Variants in BOP1 observed in about 807,000 individuals in gnomAD.
BOP1 encodes the protein BOP1 ribosomal biogenesis factor.
A neutral mutation model predicts 82.9 loss-of-function variants in BOP1; 54 were observed. The observed-to-expected ratio is 0.65, with a 90% CI of 0.52 to 0.82. The LOEUF (loss-of-function observed/expected upper bound fraction) is 0.82. Ranked by LOEUF, BOP1 falls within the 40% of genes least tolerant of loss-of-function variation. The pLI is 0.00. For synonymous variants in BOP1, 566 were observed against 451.1 expected (o/e 1.25, Z -3.23); for missense variants, 1,170 against 1,072.0 (o/e 1.09, Z -1.28).
intron 2 of BOP1, 31 bp from the exon 3 acceptor site, chr8:144,276,335 A>C (rs1845567857): frequency 6.2e-7 from 1 of 1,607,132 alleles, no homozygotes. Flanking sequence ...TGGTCACTTC[A>C]GGGGATACAG....
At chr8:144,268,060 G>A (rs1311803453) in intron 3 of BOP1, 24 of 1,549,356 alleles carry the variant, frequency 1.5e-5, no homozygotes, top group Middle Eastern at 1.9e-4. Context: ...GCAGACTGGC[G>A]CTGGGCTCTG....
Position 144,264,115 on chromosome 8 carries a change from C to A in BOP1, c.1006G>T (p.Gly336Cys). ...GGCAAAAAGCTCAGCTTCCTCTCGC[C>A]TGGCTCCTGCTGTTCCCACGCCAAG... is the stretch of plus-strand genomic sequence containing the variant. ...ERLAWEQQEP[G>C]ERKLSFLPRK... is the part of the protein sequence containing the mutation. The change falls in exon 8 of 16, where the codon GGC (glycine) becomes TGC (cysteine). Residue 336 changes from glycine (G) to cysteine (C), a missense_variant. Coordinates refer to ENST00000569669, the MANE Select transcript of BOP1 (RefSeq NM_015201.5). The A allele has an allele frequency of 6.2e-7, 1 of 1,610,492 alleles. No homozygotes were observed.
intron 2 of BOP1, among the ~76,000 whole-genome samples, chr8:144,283,682 G>A: frequency 6.6e-6 from 1 of 152,146 alleles, no homozygotes; most frequent in East Asian, 1.9e-4. Context: ...CTTAATGAAA[G>A]AAAAACATCA....
Position 144,291,172 on chromosome 8 carries a change from C to T in BOP1, c.99+100G>A. ...CCAAGACCGATTCACTGGGCGCGGG[C>T]GCCCAGGTGACAGAAGCCGGGCCCA... On this transcript the variant is annotated intron_variant, in intron 1 of 15. Transcript: ENST00000569669. The surrounding 1 kb of genome is among the most constrained non-coding windows in gnomAD (Gnocchi z 4.1). The T allele has an allele frequency of 9.6e-7, 1 of 1,045,776 alleles. No homozygotes were observed. The highest frequency in any genetic ancestry group is 1.2e-6 in the Non-Finnish European group (1 of 806,152). The allele number at this position is 1,045,776 out of a possible 1,614,324, so 64.8% of individuals were successfully genotyped here. A position where few individuals can be genotyped will look rare whatever the true frequency, so the allele number is the denominator to read the frequency against.
chr8:144,268,102 A>G lies in BOP1; in HGVS notation c.391-3031T>C, dbSNP rs1422879837. Reference sequence around the variant, plus strand: ...CCTGACACTCCTCCCTCCCCTCTGCAGAGCAAGGACCGCGACAGAAAGACA... The same window carrying G: ...CCTGACACTCCTCCCTCCCCTCTGCGGAGCAAGGACCGCGACAGAAAGACA... On this transcript the variant is annotated intron_variant, in intron 3 of 15. Coordinates refer to ENST00000569669, the MANE Select transcript of BOP1 (RefSeq NM_015201.5). 5 of 1,550,936 alleles carry G rather than the reference A, an allele frequency of 3.2e-6. No homozygotes were observed. The Admixed American group carries it at 9.8e-5, about 30-fold the overall frequency.
chr8:144,284,035 T>G (rs1261186697), intron 2 of BOP1, among the ~76,000 whole-genome samples: 1 of 152,196 alleles, frequency 6.6e-6, no homozygotes, highest in African/African-American at 2.4e-5. Context: ...GAGAATCACT[T>G]GAACCCAGGA....
At chr8:144,288,843 A>G (rs1757137429) in intron 2 of BOP1, among the ~76,000 whole-genome samples, 1 of 152,172 alleles carries the variant, frequency 6.6e-6, no homozygotes, top group Non-Finnish European at 1.5e-5. Context: ...TGTTGCCAGG[A>G]GGGTTGCCCG....
intron 2 of BOP1, among the ~76,000 whole-genome samples, chr8:144,277,474 C>G (rs1034536228): frequency 2.0e-5 from 3 of 152,378 alleles, no homozygotes; most frequent in Admixed American, 6.5e-5. Context: ...CCTCTGCGGA[C>G]GGGTACCGGG....
At chr8:144,272,077 C>A (rs1182106334) in intron 3 of BOP1, among the ~76,000 whole-genome samples, 5 of 152,138 alleles carry the variant, frequency 3.3e-5, no homozygotes, top group Non-Finnish European at 7.4e-5. Flanking sequence ...AGGCAGAGCA[C>A]CCCAACGCCT....
intron 2 of BOP1, among the ~76,000 whole-genome samples, chr8:144,282,781 C>T (rs1048142203): frequency 6.6e-6 from 1 of 152,108 alleles, no homozygotes; most frequent in African/African-American, 2.4e-5. Context: ...CTCATGCCAA[C>T]AGTCAGGGGA....
In BOP1 at chr8:144,281,174, C is replaced by T. The variant is rs1355214792; in HGVS notation, c.310-4870G>A. 4.6e-3 allele frequency among the ~76,000 whole-genome samples: 199 copies of T among 43,222 alleles called. 54 individuals are homozygous for T. Among genetic ancestry groups the T allele is most frequent in the Non-Finnish European group, 6.8e-3 (123 of 18,174 alleles). The allele number at this position is 43,222 out of a possible 152,430, so 28.4% of individuals were successfully genotyped here. On this transcript the variant is annotated intron_variant, in intron 2 of 15. Coordinates refer to ENST00000569669, the MANE Select transcript of BOP1 (RefSeq NM_015201.5). ...GTTTAATACCAGGTCTTCGGCCTTC[C>T]CTCACTTTCATACCAGGTCTTTGGC...
chr8:144,289,107 C>G lies in BOP1; in HGVS notation c.297G>C (p.Glu99Asp), dbSNP rs1424102509. ...CTCGCTCACCCACCTGCACCTGCTC[C>G]TCAGTGGTCTTTTTAATCCCACTGT... ...EGHSGIKKTT[E>D]EQVQASTPCP... Residue 99 changes from glutamate to aspartate, a missense_variant, in exon 2 of 16, where the codon GAG (glutamate) becomes GAC (aspartate). Physicochemically the swap from Glu to Asp is conservative, Grantham distance 45. Transcript: ENST00000569669. 3 of 1,614,174 alleles carry G rather than the reference C, an allele frequency of 1.9e-6. No individual in the cohort carries two copies. The East Asian group carries it at 6.7e-5, about 36-fold the overall frequency.
At chr8:144,278,200 C>T (rs1253263485) in intron 2 of BOP1, among the ~76,000 whole-genome samples, 6 of 152,154 alleles carry the variant, frequency 3.9e-5, no homozygotes, top group Non-Finnish European at 7.4e-5. Flanking sequence ...TCTGAAGGAC[C>T]GACGGGTGGG....
intron 1 of BOP1, among the ~76,000 whole-genome samples, chr8:144,289,922 A>T (rs905440351): frequency 1.3e-5 from 2 of 152,162 alleles, no homozygotes; most frequent in African/African-American, 4.8e-5. Flanking sequence ...AACCGCAACC[A>T]CGCACCAACC....
intron 3 of BOP1, chr8:144,265,340 C>G (rs936506971): frequency 2.1e-5 from 12 of 574,752 alleles, no homozygotes; most frequent in East Asian, 2.9e-5. Flanking sequence ...AGAGCTCCCC[C>G]CTCACTGGAT....
At chr8:144,279,477 C>A (rs1446465383) in intron 2 of BOP1, among the ~76,000 whole-genome samples, 2 of 152,192 alleles carry the variant, frequency 1.3e-5, no homozygotes, top group Non-Finnish European at 2.9e-5. Context: ...CTCGGTGCCC[C>A]ACTGCAGACA....
At chr8:144,273,275 C>T (rs1350166105) in intron 3 of BOP1, among the ~76,000 whole-genome samples, 14 of 152,222 alleles carry the variant, frequency 9.2e-5, no homozygotes, top group South Asian at 4.1e-4. Context: ...GAGGGGACCA[C>T]GGGCTCTGGA....
In BOP1 at chr8:144,262,168, G is replaced by A. The variant is rs1845200021; in HGVS notation, c.2237C>T (p.Thr746Ile). 2.5e-6 allele frequency: 4 copies of A among 1,612,378 alleles called. No homozygotes were observed. Among genetic ancestry groups the A allele is most frequent in the South Asian group, 2.2e-5 (2 of 91,054 alleles). ...AGCCCCAGGCAGGCAGAACAGCTAG[G>A]TGAAGAGGCGGACAGTCCCGTCTGC... is the stretch of plus-strand genomic sequence containing the variant. ...SGADGTVRLFT is the reference protein window; with the variant it reads ...SGADGTVRLFI The change falls in exon 16 of 16, where the codon ACC becomes ATC. Residue 746 changes from threonine to isoleucine, a missense_variant. Transcript: ENST00000569669.
chr8:144,290,531 G>A (rs1815024151), intron 1 of BOP1, among the ~76,000 whole-genome samples: 1 of 152,190 alleles, frequency 6.6e-6, no homozygotes, highest in Non-Finnish European at 1.5e-5. Flanking sequence ...ATGTGTCTTG[G>A]TATTCAGTCG....
Sources: gnomAD v4.1 joint callset for allele counts (sites outside exome capture counted in the v4.1 genomes callset) on GRCh38, gnomAD v4.1.1 for gene constraint, Gnocchi (gnomAD v3.1) non-coding constraint, MANE v1.5 for transcripts, NCBI Gene and HGNC (gene_info 2026-07-23, HGNC 2026-07-21) for gene names.